Variants in APPBP2 observed in about 807,000 individuals in gnomAD.
APPBP2 encodes the protein amyloid protein-binding protein 2.
A neutral mutation model predicts 76.0 loss-of-function variants in APPBP2; 15 were observed. That is an observed-to-expected ratio of 0.20 (90% CI 0.13 to 0.30). The LOEUF (loss-of-function observed/expected upper bound fraction) is 0.30. Ranked by LOEUF, APPBP2 falls within the 10% of genes least tolerant of loss-of-function variation. The pLI is 1.00. For missense variants in APPBP2, 401 were observed against 687.2 expected, an observed-to-expected ratio of 0.58 and a Z score of 4.66; for synonymous variants, 222 against 242.2, an observed-to-expected ratio of 0.92 and a Z score of 0.77.
At chr17:60,480,377 AAACAACAAC>A (rs538334192) in intron 3 of APPBP2, among the ~76,000 whole-genome samples, 1 of 152,104 alleles carries the variant, frequency 6.6e-6, no homozygotes, top group African/African-American at 2.4e-5. Flanking sequence ...ACCTTGTCTC[AAACAACAAC>A]AACAACAAAA....
intron 2 of APPBP2, among the ~76,000 whole-genome samples, chr17:60,498,655 C>T (rs1034837805): frequency 4.0e-5 from 6 of 151,706 alleles, no homozygotes; most frequent in African/African-American, 1.5e-4. Context: ...TAAAACAATA[C>T]TGGGGGAAAA....
chr17:60,483,706 T>C (rs1258714885), intron 3 of APPBP2, among the ~76,000 whole-genome samples: 1 of 152,196 alleles, frequency 6.6e-6, no homozygotes, highest in East Asian at 1.9e-4. Context: ...GGTAGTTTCT[T>C]TTGCTGTGCA....
intron 3 of APPBP2, among the ~76,000 whole-genome samples, chr17:60,491,322 G>A (rs1266679811): frequency 2.6e-5 from 4 of 152,184 alleles, no homozygotes; most frequent in Admixed American, 1.3e-4. Flanking sequence ...TAACTTGAGG[G>A]AGATGATTTA....
intron 4 of APPBP2, among the ~76,000 whole-genome samples, chr17:60,477,725 A>C (rs2090600704): frequency 6.6e-6 from 1 of 151,858 alleles, no homozygotes; most frequent in African/African-American, 2.4e-5. Context: ...TTCAGGATTG[A>C]ATGTCTGTCT....
chr17:60,484,320 G>C (rs1465821337), intron 3 of APPBP2, among the ~76,000 whole-genome samples: 3 of 152,162 alleles, frequency 2.0e-5, no homozygotes, highest in Non-Finnish European at 4.4e-5. Flanking sequence ...ACCTTGCACA[G>C]TACAGCCATT....
intron 3 of APPBP2, among the ~76,000 whole-genome samples, chr17:60,488,723 T>C (rs945779751): frequency 3.9e-5 from 6 of 152,130 alleles, no homozygotes; most frequent in Non-Finnish European, 8.8e-5. Flanking sequence ...TTGGCATAAG[T>C]AGATGTGGAG....
chr17:60,475,835 C>T (rs1007262160), intron 4 of APPBP2, among the ~76,000 whole-genome samples: 8 of 152,178 alleles, frequency 5.3e-5, no homozygotes, highest in African/African-American at 1.9e-4. Flanking sequence ...GTTTGTTCTG[C>T]CCAACTCTCA....
intron 3 of APPBP2, among the ~76,000 whole-genome samples, chr17:60,481,356 C>T (rs1466225409): frequency 6.6e-6 from 1 of 152,072 alleles, no homozygotes; most frequent in Non-Finnish European, 1.5e-5. Flanking sequence ...TTTTGGAGGC[C>T]AAGGTGGAAG....
At chr17:60,483,053 TAA>T (rs1423561433) in intron 3 of APPBP2, among the ~76,000 whole-genome samples, 2 of 152,218 alleles carry the variant, frequency 1.3e-5, no homozygotes, top group African/African-American at 4.8e-5. Context: ...ACCAACAGTG[TAA>T]AAGTGTTCCT....
intron 2 of APPBP2, among the ~76,000 whole-genome samples, chr17:60,498,703 T>C (rs371718669): frequency 1.7e-4 from 26 of 152,320 alleles, no homozygotes; most frequent in African/African-American, 4.3e-4. Flanking sequence ...TGTATAATTG[T>C]ATTTAATATG....
chr17:60,525,784 C>G lies in APPBP2; in HGVS notation c.138+10G>C, dbSNP rs774317814. The G allele has an allele frequency of 1.2e-6, 2 of 1,612,626 alleles. No homozygotes were observed. The highest frequency in any genetic ancestry group is 3.3e-5 in the Admixed American group (2 of 59,804). On this transcript the variant is annotated intron_variant, in intron 1 of 12. Transcript: ENST00000083182. ...TGGAGGAGAGCAGAGAGGAGGCCCA[C>G]GGCGCATACCTTGTAGTAAACATCA...
chr17:60,518,502 C>CGGTGTGTGTGTGTGTG, intron 1 of APPBP2, among the ~76,000 whole-genome samples: 1 of 116,714 alleles, frequency 8.6e-6, no homozygotes, highest in African/African-American at 8.7e-5. Context: ...CCATGCCCAG[C>CGGTGTGTGTGTGTGTG]CGTGTGTGTG....
rs1222942021 is a variant in APPBP2 at position 60,525,723 on chromosome 17, C to T, written c.138+71G>A. On this transcript the variant is annotated intron_variant, in intron 1 of 12. Coordinates refer to ENST00000083182, the MANE Select transcript of APPBP2 (RefSeq NM_006380.5). ...GGGTGAGGGGTTAACTGCGGGGGTT[C>T]GCAGACGTGGAAGGGGGTGCGGCCC... is the stretch of plus-strand genomic sequence containing the variant. The T allele has an allele frequency of 3.1e-6, 5 of 1,599,864 alleles. No individual in the cohort carries two copies. The East Asian group carries it at 1.1e-4, about 36-fold the overall frequency.
At chr17:60,462,886 G>T (rs1377842503) in intron 6 of APPBP2, among the ~76,000 whole-genome samples, 1 of 148,576 alleles carries the variant, frequency 6.7e-6, no homozygotes, top group African/African-American at 2.5e-5. Context: ...GGGGGGCGGA[G>T]CCTGCAGTGA....
Position 60,525,927 on chromosome 17 carries a change from G to A in APPBP2, c.5C>T (p.Ala2Val). The A allele has an allele frequency of 6.2e-7, 1 of 1,609,722 alleles. No homozygotes were observed. The highest frequency in any genetic ancestry group is 1.7e-5 in the Admixed American group (1 of 59,350). Residue 2 changes from alanine (A) to valine (V), a missense_variant, in exon 1 of 13, where the codon GCG becomes GTG. By Grantham distance (64) the Ala-to-Val change is moderately conservative. Around this residue, in one of 5 missense-constraint regions of APPBP2, gnomAD observed 149 missense variants for 198.4 expected, o/e 0.75. Coordinates refer to ENST00000083182, the MANE Select transcript of APPBP2 (RefSeq NM_006380.5). ...TGGGATCCACTCTAGTTCCACGGCCGCCATCTTCCTTCCCTCCTCCTCCGC... is the reference window on the plus strand; with the variant it reads ...TGGGATCCACTCTAGTTCCACGGCCACCATCTTCCTTCCCTCCTCCTCCGC... The part of the protein sequence containing the change: M[A>V]AVELEWIPET...
intron 4 of APPBP2, among the ~76,000 whole-genome samples, chr17:60,467,416 T>C (rs749818764): frequency 1.3e-5 from 2 of 152,244 alleles, no homozygotes; most frequent in Non-Finnish European, 2.9e-5. Context: ...TTTTAATCTC[T>C]ATCATTCCTC....
Position 60,466,474 on chromosome 17 carries a change from T to G in APPBP2, c.504-15A>C. 1 of 1,607,184 alleles carries G rather than the reference T, an allele frequency of 6.2e-7. No individual in the cohort carries two copies. Among genetic ancestry groups the G allele is most frequent in the Admixed American group, 1.7e-5 (1 of 59,818 alleles). On this transcript the variant is annotated splice_polypyrimidine_tract_variant and intron_variant, in intron 4 of 12. Transcript: ENST00000083182. ...CATGAAGCAACCTATAAAACACCAATAACATTGCTCTATTTTTGATATTTT... is the reference window on the plus strand; with the variant it reads ...CATGAAGCAACCTATAAAACACCAAGAACATTGCTCTATTTTTGATATTTT...
intron 6 of APPBP2, 30 bp from the exon 7 acceptor site, chr17:60,462,091 TCAAA>T (rs1407150831): frequency 1.3e-6 from 2 of 1,542,338 alleles, no homozygotes; most frequent in East Asian, 4.5e-5. Flanking sequence ...TGGTTAACTC[TCAAA>T]CAGTTCATTA....
At chr17:60,523,333 T>TAA (rs922495521) in intron 1 of APPBP2, among the ~76,000 whole-genome samples, 28 of 144,564 alleles carry the variant, frequency 1.9e-4, no homozygotes, top group Non-Finnish European at 4.1e-4. Context: ...TACTAAAAAT[T>TAA]AAAAAAAAAA....
Sources: allele counts gnomAD v4.1 joint callset (sites outside exome capture counted in the v4.1 genomes callset), GRCh38; gene constraint gnomAD v4.1.1; regional missense constraint gnomAD v4.1.1; transcripts MANE v1.5; gene names NCBI Gene and HGNC (gene_info 2026-07-23, HGNC 2026-07-21).